Variants in HERC3 observed in about 807,000 individuals in gnomAD.
HERC3 encodes probable E3 ubiquitin-protein ligase HERC3.
A neutral mutation model predicts 129.9 loss-of-function variants in HERC3; 58 were observed. The observed-to-expected ratio is 0.45, with a 90% CI of 0.36 to 0.56. The LOEUF is 0.56. Among genes scored for constraint, HERC3 ranks in the 20% least tolerant of loss-of-function variants. The probability of loss-of-function intolerance (pLI) is 0.00; values close to 1 mark genes in which losing one functional copy is unlikely to be tolerated. For missense variants in HERC3, 835 were observed against 1,244.2 expected (o/e 0.67, Z 4.95); for synonymous variants, 430 against 451.0 (o/e 0.95, Z 0.59).
intron 3 of HERC3, among the ~76,000 whole-genome samples, chr4:88,630,856 G>A (rs1726666632): frequency 6.6e-6 from 1 of 152,004 alleles, no homozygotes; most frequent in Admixed American, 6.6e-5. Context: ...ATTATGCCAC[G>A]GTTGGCAATT....
chr4:88,680,975 G>A (rs1442599659), intron 20 of HERC3, 184 bp from the exon 21 acceptor site: 2 of 977,570 alleles, frequency 2.0e-6, no homozygotes, highest in Non-Finnish European at 2.4e-6. Flanking sequence ...GCTTAACTCT[G>A]TCTACATTGC....
chr4:88,554,083 C>T, the HERC3 span, among the ~76,000 whole-genome samples: 1 of 152,168 alleles, frequency 6.6e-6, no homozygotes. Flanking sequence ...CGTGGTGGCT[C>T]ACACCTGTAA....
intron 2 of HERC3, among the ~76,000 whole-genome samples, chr4:88,600,014 A>G (rs1351170810): frequency 6.6e-6 from 1 of 151,852 alleles, no homozygotes. Context: ...TGTTAGTTTC[A>G]CTTTCTTCAT....
chr4:88,674,212 A>G (rs929414372), intron 16 of HERC3, among the ~76,000 whole-genome samples: 44 of 151,908 alleles, frequency 2.9e-4, no homozygotes, highest in African/African-American at 1.1e-3. Flanking sequence ...TAAGGGGTGC[A>G]GGGAGGCTCA....
intron 16 of HERC3, among the ~76,000 whole-genome samples, chr4:88,675,382 G>T (rs1732050586): frequency 6.6e-6 from 1 of 152,124 alleles, no homozygotes; most frequent in Non-Finnish European, 1.5e-5. Flanking sequence ...AACTTAATGT[G>T]TTTTACTAAT....
chr4:88,561,366 T>A, the HERC3 span, among the ~76,000 whole-genome samples: 2 of 152,112 alleles, frequency 1.3e-5, no homozygotes, highest in South Asian at 2.1e-4. Flanking sequence ...TTATTTAATT[T>A]AAAAAAATTT....
chr4:88,622,639 A>T (rs1725664615), intron 3 of HERC3, among the ~76,000 whole-genome samples: 1 of 152,170 alleles, frequency 6.6e-6, no homozygotes. Context: ...TTTAAAATGT[A>T]GATCTGTTTG....
the HERC3 span, among the ~76,000 whole-genome samples, chr4:88,529,355 G>T: frequency 6.6e-6 from 1 of 152,192 alleles, no homozygotes; most frequent in Admixed American, 6.5e-5. Flanking sequence ...TACTCAGGAG[G>T]CTGAGGAAGG....
intron 3 of HERC3, among the ~76,000 whole-genome samples, chr4:88,644,544 TA>T (rs1167838431): frequency 6.6e-6 from 1 of 152,150 alleles, no homozygotes; most frequent in African/African-American, 2.4e-5. Context: ...CATGACAGCA[TA>T]AAAAACTCAA....
At chr4:88,625,566 T>C (rs1578192340) in intron 3 of HERC3, among the ~76,000 whole-genome samples, 1 of 152,222 alleles carries the variant, frequency 6.6e-6, no homozygotes, top group East Asian at 1.9e-4. Flanking sequence ...CTATTAGCTT[T>C]TTTCTGTATA....
intron 3 of HERC3, among the ~76,000 whole-genome samples, chr4:88,607,487 A>G (rs1429989454): frequency 6.6e-6 from 1 of 151,924 alleles, no homozygotes; most frequent in Middle Eastern, 3.2e-3. Flanking sequence ...TTTTTGAGAC[A>G]GGATCTGGCT....
At position 88,669,858 on chromosome 4, in the gene HERC3, A is replaced by T; in HGVS notation, c.1634-2A>T. 1.2e-6 allele frequency: 2 copies of T among 1,608,978 alleles called. No individual in the cohort carries two copies. Among genetic ancestry groups the T allele is most frequent in the Non-Finnish European group, 1.7e-6 (2 of 1,176,488 alleles). On this transcript the variant is annotated splice_acceptor_variant, in intron 14 of 25. Coordinates refer to ENST00000402738, the MANE Select transcript of HERC3 (RefSeq NM_014606.3). LOFTEE classifies it high-confidence loss of function. ...AAATATGTCTTTTCTTTCTTTCTAA[A>T]GATAACTGGTGGTCTCAGGTATGCC...
chr4:88,598,939 C>CG (rs1288882709), intron 2 of HERC3, among the ~76,000 whole-genome samples: 12 of 152,262 alleles, frequency 7.9e-5, no homozygotes, highest in African/African-American at 2.9e-4. Context: ...TGCAGCCAAG[C>CG]GGGGCTGGTG....
the HERC3 span, among the ~76,000 whole-genome samples, chr4:88,546,631 C>A: frequency 2.0e-5 from 3 of 152,066 alleles, no homozygotes; most frequent in Admixed American, 6.6e-5. Context: ...CGCTTCAGAC[C>A]CCCCAGGGAA....
chr4:88,635,766 A>G (rs1727311328), intron 3 of HERC3, among the ~76,000 whole-genome samples: 1 of 152,344 alleles, frequency 6.6e-6, no homozygotes. Context: ...CATGTCACCT[A>G]CAAAGGGAAG....
chr4:88,691,722 G>C (rs9992239), intron 23 of HERC3, among the ~76,000 whole-genome samples: 4,685 of 152,186 alleles, frequency 0.031, 103 homozygotes, highest in African/African-American at 0.05. Context: ...TTGAGGTCCT[G>C]GTAAGAAAGG....
intron 25 of HERC3, 61 bp from the exon 26 acceptor site, chr4:88,706,691 G>A: frequency 7.2e-7 from 1 of 1,383,540 alleles, no homozygotes; most frequent in Admixed American, 1.8e-5. Flanking sequence ...GTTGCCAGAA[G>A]GATCTCTGAG....
Position 88,653,053 on chromosome 4 carries a change from G to A in HERC3, c.648G>A (p.Met216Ile). Reference protein sequence around the residue: ...SLSGAVFGWGMNNAGQLGLSD... With the variant: ...SLSGAVFGWGINNAGQLGLSD... The stretch of plus-strand genomic sequence containing the variant: ...CAGGAGCTGTTTTTGGCTGGGGGAT[G>A]AATAATGCCGGGCAGCTAGGGCTCA... The change falls in exon 6 of 26, where the codon ATG becomes ATA. Residue 216 changes from methionine to isoleucine, a missense_variant. Transcript: ENST00000402738. 6.2e-7 allele frequency: 1 copy of A among 1,614,214 alleles called. No homozygotes were observed.
In HERC3 at chr4:88,707,034, G is replaced by C; in HGVS notation, c.*74G>C. On this transcript the variant is annotated 3_prime_UTR_variant, in exon 26 of 26. Transcript: ENST00000402738. ...TGAGGCCTATACAGAAAATCATGGG[G>C]AGTGATTTCTATTTTTTTATTGTCT... 8.5e-7 allele frequency: 1 copy of C among 1,173,528 alleles called. No homozygotes were observed. The highest frequency in any genetic ancestry group is 1.3e-6 in the Non-Finnish European group (1 of 798,500). 72.7% of individuals were successfully genotyped at this position (1,173,528 alleles called of 1,614,324 possible). A position where few individuals can be genotyped will look rare whatever the true frequency, so the allele number is the denominator to read the frequency against.
Sources: gnomAD v4.1 joint callset for allele counts (sites outside exome capture counted in the v4.1 genomes callset) on GRCh38, gnomAD v4.1.1 for gene constraint, MANE v1.5 for transcripts, NCBI Gene and HGNC (gene_info 2026-07-23, HGNC 2026-07-21) for gene names.